PPL: variants seen among roughly 807,000 people sequenced by gnomAD.
PPL encodes the protein periplakin.
Under a neutral mutation model 194.4 loss-of-function variants are expected in PPL, and 198 were observed. The observed-to-expected ratio is 1.02, with a 90% CI of 0.91 to 1.15. The LOEUF is 1.15. Among genes scored for constraint, PPL ranks in the 50% most tolerant of loss-of-function variants. The pLI, the probability that PPL is intolerant of heterozygous loss-of-function variation, is 0.00. For missense variants in PPL, 2,885 were observed against 2,294.8 expected (o/e 1.26, Z -5.25); for synonymous variants, 1,220 against 972.4 (o/e 1.25, Z -4.74).
chr16:4,891,724 C>T, intron 16 of PPL, 87 bp downstream of exon 16: 1 of 1,473,732 alleles, frequency 6.8e-7, no homozygotes. Context: ...ATGCTGGTGT[C>T]CTCATCTATC....
chr16:4,915,734 C>A (rs967017902), intron 1 of PPL, among the ~76,000 whole-genome samples: 2 of 152,214 alleles, frequency 1.3e-5, no homozygotes, highest in African/African-American at 4.8e-5. Context: ...ACGTGCCAGG[C>A]TCCTCACTGT....
intron 1 of PPL, among the ~76,000 whole-genome samples, chr16:4,924,244 T>C (rs1034240808): frequency 6.6e-6 from 1 of 152,254 alleles, no homozygotes; most frequent in Non-Finnish European, 1.5e-5. Context: ...ATCCAAAATA[T>C]GATCAATTTG....
chr16:4,918,433 G>C (rs1378490277), intron 1 of PPL, among the ~76,000 whole-genome samples: 1 of 152,174 alleles, frequency 6.6e-6, no homozygotes, highest in Non-Finnish European at 1.5e-5. Context: ...GAAGATGCTA[G>C]TTAACTCCTA....
Position 4,885,499 on chromosome 16 carries a change from G to T in PPL, c.3156C>A (p.Val1052=). 1 of 1,611,614 alleles carries T rather than the reference G, an allele frequency of 6.2e-7. No individual in the cohort carries two copies. The highest frequency in any genetic ancestry group is 8.5e-7 in the Non-Finnish European group (1 of 1,179,898). The stretch of plus-strand genomic sequence containing the variant: ...GCAGTTTCACCACCTCTTTCTCTGT[G>T]ACCTTCTCCTGCGCCCGGCTCTTCT... The part of the protein sequence containing the change: ...AEEKSRAQEK[V]TEKEVVKLQN... Residue 1052 remains valine, a synonymous_variant, in exon 22 of 22, where the codon GTC becomes GTA. Transcript: ENST00000345988. This position sits in a 1 kb window ranked among gnomAD's most constrained non-coding sequence, Gnocchi z 6.3.
intron 2 of PPL, among the ~76,000 whole-genome samples, chr16:4,904,624 C>T (rs1038469406): frequency 2.0e-5 from 3 of 152,062 alleles, no homozygotes; most frequent in Non-Finnish European, 2.9e-5. Context: ...CAGGAGAGAG[C>T]GAGCTACGAC....
At chr16:4,908,640 C>A (rs570302311) in intron 2 of PPL, among the ~76,000 whole-genome samples, 22 of 152,256 alleles carry the variant, frequency 1.4e-4, no homozygotes, top group Admixed American at 4.6e-4. Context: ...CGGGCTTAAG[C>A]GAGCCTCCCA....
intron 1 of PPL, among the ~76,000 whole-genome samples, chr16:4,935,331 C>T (rs1318633600): frequency 6.6e-6 from 1 of 152,108 alleles, no homozygotes; most frequent in African/African-American, 2.4e-5. Flanking sequence ...GAGGGCGGGG[C>T]GAGGCCTGGC....
At chr16:4,929,013 TAAA>T (rs1167603474) in intron 1 of PPL, among the ~76,000 whole-genome samples, 21 of 17,138 alleles carry the variant, frequency 1.2e-3, no homozygotes, top group African/African-American at 3.4e-3. Context: ...AACTCTACCT[TAAA>T]AAAAAAAAAA....
intron 1 of PPL, among the ~76,000 whole-genome samples, chr16:4,931,090 G>A (rs1220032187): frequency 1.3e-5 from 2 of 152,182 alleles, no homozygotes; most frequent in Non-Finnish European, 2.9e-5. Context: ...GGGCCTGCGT[G>A]CAGTGGCTCA....
intron 8 of PPL, 91 bp from the exon 9 acceptor site, chr16:4,897,861 G>T (rs2088465371): frequency 2.0e-6 from 2 of 1,001,254 alleles, no homozygotes; most frequent in Non-Finnish European, 1.5e-6. Context: ...GGGCATGGCG[G>T]GGGAGGGAGG....
intron 17 of PPL, 59 bp downstream of exon 17, chr16:4,890,669 G>A: frequency 6.6e-7 from 1 of 1,522,266 alleles, no homozygotes. Context: ...GCATTGCTTA[G>A]AGGGAATTAG....
intron 9 of PPL, among the ~76,000 whole-genome samples, chr16:4,896,824 G>A (rs993177606): frequency 6.6e-6 from 1 of 151,660 alleles, no homozygotes; most frequent in Non-Finnish European, 1.5e-5. Flanking sequence ...TAGTAGAGAT[G>A]GGGTTTCATC....
chr16:4,895,670 T>C lies in PPL; in HGVS notation c.1019A>G (p.Asp340Gly), dbSNP rs1311627486. 2 of 1,613,990 alleles carry C rather than the reference T, an allele frequency of 1.2e-6. No homozygotes were observed. The highest frequency in any genetic ancestry group is 1.7e-5 in the Admixed American group (1 of 60,028). ...GCCATACTTCTGGTTCAGGTCCGAGTCCACCTTGCGCAGCAGCTCCTGAGC... is the reference window on the plus strand; with the variant it reads ...GCCATACTTCTGGTTCAGGTCCGAGCCCACCTTGCGCAGCAGCTCCTGAGC... The part of the protein sequence containing the change: ...KDAQELLRKV[D>G]SDLNQKYGPD... The change falls in exon 10 of 22, where the codon GAC (aspartate) becomes GGC (glycine). Residue 340 changes from aspartate (D) to glycine (G), a missense_variant. Coordinates refer to ENST00000345988, the MANE Select transcript of PPL (RefSeq NM_002705.5).
At chr16:4,894,376 G>T in intron 12 of PPL, 91 bp downstream of exon 12, 2 of 1,516,752 alleles carry the variant, frequency 1.3e-6, no homozygotes, top group Non-Finnish European at 1.8e-6. Flanking sequence ...CTCCCCACAG[G>T]CTGAGTCCAA....
chr16:4,901,065 C>T lies in PPL; in HGVS notation c.463G>A (p.Gly155Arg), dbSNP rs1487183486. 4 of 1,614,034 alleles carry T rather than the reference C, an allele frequency of 2.5e-6. No individual in the cohort carries two copies. The highest frequency in any genetic ancestry group is 1.1e-5 in the South Asian group (1 of 91,088). Reference sequence around the variant, plus strand: ...TGGTCCACCAGCGGCAGGTCAGTCCCAAAGCTCTGGTTGTTCAGCTTGTCC... The same window carrying T: ...TGGTCCACCAGCGGCAGGTCAGTCCTAAAGCTCTGGTTGTTCAGCTTGTCC... ...KLDKLNNQSF[G>R]TDLPLVDHQV... The change falls in exon 5 of 22, where the codon GGG becomes AGG. Residue 155 changes from glycine (G) to arginine (R), a missense_variant. Coordinates refer to ENST00000345988, the MANE Select transcript of PPL (RefSeq NM_002705.5).
chr16:4,886,495 C>G (rs1002592017), intron 21 of PPL, among the ~76,000 whole-genome samples: 1 of 152,258 alleles, frequency 6.6e-6, no homozygotes, highest in African/African-American at 2.4e-5. Flanking sequence ...TGTTTCCGCT[C>G]TCTGGACAGA....
At chr16:4,905,974 G>A (rs980748694) in intron 2 of PPL, among the ~76,000 whole-genome samples, 1 of 152,138 alleles carries the variant, frequency 6.6e-6, no homozygotes. Flanking sequence ...TGGGTGTGAT[G>A]GCATGCACCT....
rs138657187 is a variant in PPL, at chr16:4,899,034, G to A, written c.855C>T (p.His285=). Residue 285 remains histidine (H), a synonymous_variant, in exon 8 of 22, where the codon CAC becomes CAT. Transcript: ENST00000345988. The stretch of plus-strand genomic sequence containing the variant: ...GAACCTCAATGGAGTTCCTCCCGGG[G>A]TGCTCGGCCGCCAGCAGCTGGTCGC... ...SEGDQLLAAE[H]PGRNSIEAHM... is the part of the protein sequence containing the mutation. 9 of 1,612,788 alleles carry A rather than the reference G, an allele frequency of 5.6e-6. No homozygotes were observed. The highest frequency in any genetic ancestry group is 2.2e-5 in the East Asian group (1 of 44,788).
intron 1 of PPL, among the ~76,000 whole-genome samples, chr16:4,915,784 T>A (rs872297): frequency 0.6 from 90,989 of 152,074 alleles, 29,803 homozygotes; most frequent in East Asian, 0.74. Flanking sequence ...GAGCTGGGTG[T>A]TAGCATGGTA....
Sources: gnomAD v4.1 joint callset for allele counts (sites outside exome capture counted in the v4.1 genomes callset) on GRCh38, gnomAD v4.1.1 for gene constraint, Gnocchi (gnomAD v3.1) non-coding constraint, MANE v1.5 for transcripts, NCBI Gene and HGNC (gene_info 2026-07-23, HGNC 2026-07-21) for gene names.